LORICRIN: variants seen among roughly 807,000 people sequenced by gnomAD.
LORICRIN encodes loricrin cornified envelope precursor protein.
A neutral mutation model predicts 3.3 loss-of-function variants in LORICRIN; 5 were observed. The observed-to-expected ratio is 1.52, with a 90% CI of 0.79 to 3.19. The LOEUF (loss-of-function observed/expected upper bound fraction) is 3.19, where lower values mean the gene tolerates loss of function less well. Among genes scored for constraint, LORICRIN ranks in the 30% most tolerant of loss-of-function variants. The pLI is 0.00. For synonymous variants in LORICRIN, 237 were observed against 231.4 expected, an observed-to-expected ratio of 1.02 and a Z score of -0.22; for missense variants, 524 against 460.2, an observed-to-expected ratio of 1.14 and a Z score of -1.27.
At position 153,261,336 on chromosome 1, in the gene LORICRIN, C is replaced by A; in HGVS notation, c.387C>A (p.Phe129Leu). The A allele has an allele frequency of 6.8e-7, 1 of 1,473,786 alleles. No individual in the cohort carries two copies. Among genetic ancestry groups the A allele is most frequent in the Non-Finnish European group, 8.9e-7 (1 of 1,120,616 alleles). 91.3% of individuals were successfully genotyped at this position (1,473,786 alleles called of 1,614,324 possible). The change falls in exon 2 of 2, where the codon TTC (phenylalanine) becomes TTA (leucine). Residue 129 changes from phenylalanine (F) to leucine (L), a missense_variant. By Grantham distance (22) the Phe-to-Leu change is conservative. Transcript: ENST00000368742. Reference sequence around the variant, plus strand: ...CCTCCGGGGGCGGCTCCGGCTGCTTCTCCAGCGGTGGGGGCGGCTCCTCCG... The same window carrying A: ...CCTCCGGGGGCGGCTCCGGCTGCTTATCCAGCGGTGGGGGCGGCTCCTCCG... ...GGSSGGGSGCFSSGGGGSSGG... is the reference protein window; with the variant it reads ...GGSSGGGSGCLSSGGGGSSGG...
chr1:153,261,258 T>G lies in LORICRIN; in HGVS notation c.309T>G (p.Cys103Trp), dbSNP rs1249677653. ...GCTCCTCCGGCGGGGGCTCTGGCTG[T>G]TTCTCCAGCGGTGGGGGCGGCTCCG... ...GGGSSGGGSGCFSSGGGGSGC... is the reference protein window; with the variant it reads ...GGGSSGGGSGWFSSGGGGSGC... Residue 103 changes from cysteine (C) to tryptophan (W), a missense_variant, in exon 2 of 2, where the codon TGT becomes TGG. Cys to Trp is a radical substitution (Grantham distance 215). Coordinates refer to ENST00000368742, the MANE Select transcript of LORICRIN (RefSeq NM_000427.3). The G allele has an allele frequency of 3.8e-6, 5 of 1,322,470 alleles. No individual in the cohort carries two copies. The highest frequency in any genetic ancestry group is 3.6e-5 in the African/African-American group (2 of 55,214). 81.9% of individuals were successfully genotyped at this position (1,322,470 alleles called of 1,614,324 possible). A position where few individuals can be genotyped will look rare whatever the true frequency, so the allele number is the denominator to read the frequency against.
At position 153,261,643 on chromosome 1, in the gene LORICRIN, G is replaced by A; in HGVS notation, c.694G>A (p.Gly232Ser). 7.9e-6 allele frequency: 12 copies of A among 1,515,836 alleles called. No homozygotes were observed. Among genetic ancestry groups the A allele is most frequent in the Non-Finnish European group, 1.1e-5 (12 of 1,140,030 alleles). 93.9% of individuals were successfully genotyped at this position (1,515,836 alleles called of 1,614,324 possible). The change falls in exon 2 of 2, where the codon GGC becomes AGC. Residue 232 changes from glycine to serine, a missense_variant. Gly to Ser is a moderately conservative substitution (Grantham distance 56, BLOSUM62 0). Transcript: ENST00000368742. ...QPSYGGGSSGGGGSGGSGCFS... is the reference protein window; with the variant it reads ...QPSYGGGSSGSGGSGGSGCFS... ...GAGTTACGGAGGGGGGTCGTCCGGC[G>A]GCGGCGGCAGCGGCGGAAGCGGCTG...
At position 153,261,201 on chromosome 1, in the gene LORICRIN, C is replaced by T. The variant is rs768896348; in HGVS notation, c.252C>T (p.Ser84=). Residue 84 remains serine (S), a synonymous_variant, in exon 2 of 2, where the codon TCC becomes TCT. Coordinates refer to ENST00000368742, the MANE Select transcript of LORICRIN (RefSeq NM_000427.3). The part of the protein sequence containing the change: ...GGGIGGCGGG[S]GGSVKYSGGG... ...GCATTGGAGGCTGCGGAGGGGGCTC[C>T]GGTGGGAGCGTCAAGTACTCCGGAG... 1.9e-5 allele frequency: 25 copies of T among 1,347,522 alleles called. No individual in the cohort carries two copies. Among genetic ancestry groups the T allele is most frequent in the South Asian group, 3.5e-5 (2 of 57,174 alleles). 83.5% of individuals were successfully genotyped at this position (1,347,522 alleles called of 1,614,324 possible). A position where few individuals can be genotyped will look rare whatever the true frequency, so the allele number is the denominator to read the frequency against.
Position 153,261,204 on chromosome 1 carries a change from T to C in LORICRIN, c.255T>C (p.Gly85=), listed in dbSNP as rs1571080354. ...TTGGAGGCTGCGGAGGGGGCTCCGG[T>C]GGGAGCGTCAAGTACTCCGGAGGCG... ...GGIGGCGGGS[G]GSVKYSGGGG... Residue 85 remains glycine (G), a synonymous_variant, in exon 2 of 2, where the codon GGT becomes GGC. Coordinates refer to ENST00000368742, the MANE Select transcript of LORICRIN (RefSeq NM_000427.3). 1 of 1,303,808 alleles carries C rather than the reference T, an allele frequency of 7.7e-7. No individual in the cohort carries two copies. 80.8% of individuals were successfully genotyped at this position (1,303,808 alleles called of 1,614,324 possible).
At position 153,261,705 on chromosome 1, in the gene LORICRIN, C is replaced by A; in HGVS notation, c.756C>A (p.Cys252Ter). ...SSGGGGGSSG[C>*]GGGSSGIGSG... ...GCGGGGGCGGCGGGAGCTCCGGCTG[C>A]GGCGGCGGCTCCTCCGGGATTGGCA... The change falls in exon 2 of 2, where the codon TGC becomes TGA. Residue 252 changes from cysteine (C) to a stop codon, truncating the protein, a stop_gained. Transcript: ENST00000368742. LOFTEE classifies it high-confidence loss of function. The A allele has an allele frequency of 6.6e-7, 1 of 1,515,496 alleles. No homozygotes were observed. 93.9% of individuals were successfully genotyped at this position (1,515,496 alleles called of 1,614,324 possible). A position where few individuals can be genotyped will look rare whatever the true frequency, so the allele number is the denominator to read the frequency against.
intron 1 of LORICRIN, among the ~76,000 whole-genome samples, chr1:153,260,640 C>A (rs148090336): frequency 2.0e-5 from 3 of 152,124 alleles, no homozygotes; most frequent in Non-Finnish European, 2.9e-5. Context: ...GAGAAAGAGG[C>A]GGGCGTGTGG....
chr1:153,260,611 CTTTCA>C, intron 1 of LORICRIN, among the ~76,000 whole-genome samples: 1 of 152,288 alleles, frequency 6.6e-6, no homozygotes, highest in Middle Eastern at 3.4e-3. Flanking sequence ...TGTTCAAACC[CTTTCA>C]TTTAACAGGA....
chr1:153,261,204 T>A lies in LORICRIN; in HGVS notation c.255T>A (p.Gly85=), dbSNP rs1571080354. Reference sequence around the variant, plus strand: ...TTGGAGGCTGCGGAGGGGGCTCCGGTGGGAGCGTCAAGTACTCCGGAGGCG... The same window carrying A: ...TTGGAGGCTGCGGAGGGGGCTCCGGAGGGAGCGTCAAGTACTCCGGAGGCG... ...GGIGGCGGGS[G]GSVKYSGGGG... is the part of the protein sequence containing the mutation. The change falls in exon 2 of 2, where the codon GGT becomes GGA. Residue 85 remains glycine (G), a synonymous_variant. Coordinates refer to ENST00000368742, the MANE Select transcript of LORICRIN (RefSeq NM_000427.3). The A allele has an allele frequency of 1.5e-6, 2 of 1,303,704 alleles. No individual in the cohort carries two copies. Among genetic ancestry groups the A allele is most frequent in the Admixed American group, 8.7e-5 (2 of 22,902 alleles). The allele number at this position is 1,303,704 out of a possible 1,614,324, so 80.8% of individuals were successfully genotyped here.
At chr1:153,260,585 G>C (rs1658742901) in intron 1 of LORICRIN, among the ~76,000 whole-genome samples, 1 of 152,194 alleles carries the variant, frequency 6.6e-6, no homozygotes, top group African/African-American at 2.4e-5. Flanking sequence ...GATTGGAAGA[G>C]GCCTGAAAGA....
At position 153,261,622 on chromosome 1, in the gene LORICRIN, T is replaced by G; in HGVS notation, c.673T>G (p.Tyr225Asp). 6.6e-7 allele frequency: 1 copy of G among 1,513,532 alleles called. No individual in the cohort carries two copies. Among genetic ancestry groups the G allele is most frequent in the Non-Finnish European group, 8.8e-7 (1 of 1,139,516 alleles). The allele number at this position is 1,513,532 out of a possible 1,614,324, so 93.8% of individuals were successfully genotyped here. A position where few individuals can be genotyped will look rare whatever the true frequency, so the allele number is the denominator to read the frequency against. Residue 225 changes from tyrosine (Y) to aspartate (D), a missense_variant, in exon 2 of 2, where the codon TAC becomes GAC. Transcript: ENST00000368742. Reference sequence around the variant, plus strand: ...GACCTCGTGCGCGCCCCAGCCGAGTTACGGAGGGGGGTCGTCCGGCGGCGG... The same window carrying G: ...GACCTCGTGCGCGCCCCAGCCGAGTGACGGAGGGGGGTCGTCCGGCGGCGG... The part of the protein sequence containing the change: ...TQTSCAPQPS[Y>D]GGGSSGGGGS...
Position 153,260,908 on chromosome 1 carries a change from C to T in LORICRIN, c.-23-19C>T, listed in dbSNP as rs546620484. On this transcript the variant is annotated intron_variant, in intron 1 of 1. Coordinates refer to ENST00000368742, the MANE Select transcript of LORICRIN (RefSeq NM_000427.3). ...TCCTCTTGCAGCTGGTCCAGCGATG[C>T]TCTCTTCTCCCCTTCCAGGCTCTCC... 8.8e-5 allele frequency: 133 copies of T among 1,514,422 alleles called. No homozygotes were observed. Among genetic ancestry groups the T allele is most frequent in the Admixed American group, 1.8e-4 (10 of 55,456 alleles). The allele number at this position is 1,514,422 out of a possible 1,614,324, so 93.8% of individuals were successfully genotyped here.
In LORICRIN at chr1:153,262,055, C is replaced by T. The variant is rs1334232750; in HGVS notation, c.*167C>T. The T allele has an allele frequency of 1.3e-6, 1 of 791,570 alleles. No individual in the cohort carries two copies. The allele number at this position is 791,570 out of a possible 1,614,324, so 49.0% of individuals were successfully genotyped here. Reference sequence around the variant, plus strand: ...GCTGCATCTAGTTCTGCTGTTTAGCCTCTTTGGTTTCTGTACAACTACCTC... The same window carrying T: ...GCTGCATCTAGTTCTGCTGTTTAGCTTCTTTGGTTTCTGTACAACTACCTC... On this transcript the variant is annotated 3_prime_UTR_variant, in exon 2 of 2. Coordinates refer to ENST00000368742, the MANE Select transcript of LORICRIN (RefSeq NM_000427.3).
In LORICRIN at chr1:153,261,685, G is replaced by GGCGGCGGGA. The variant is rs1658802868; in HGVS notation, c.739_747dup (p.Gly247_Ser249dup). The GGCGGCGGGA allele has an allele frequency of 4.0e-6, 6 of 1,506,578 alleles. No individual in the cohort carries two copies. The South Asian group carries it at 5.0e-5, about 13-fold the overall frequency. 93.3% of individuals were successfully genotyped at this position (1,506,578 alleles called of 1,614,324 possible). The stretch of plus-strand genomic sequence containing the variant: ...AAGCGGCTGCTTCTCCAGCGGCGGG[G>GGCGGCGGGA]GCGGCGGGAGCTCCGGCTGCGGCGG... On this transcript the variant is annotated inframe_insertion, in exon 2 of 2. Transcript: ENST00000368742.
At position 153,261,943 on chromosome 1, in the gene LORICRIN, G is replaced by C. The variant is rs1380929739; in HGVS notation, c.*55G>C. 6.5e-7 allele frequency: 1 copy of C among 1,536,380 alleles called. No individual in the cohort carries two copies. Among genetic ancestry groups the C allele is most frequent in the Non-Finnish European group, 8.9e-7 (1 of 1,123,174 alleles). On this transcript the variant is annotated 3_prime_UTR_variant, in exon 2 of 2. Coordinates refer to ENST00000368742, the MANE Select transcript of LORICRIN (RefSeq NM_000427.3). The stretch of plus-strand genomic sequence containing the variant: ...GTTGGAGGTGTTTTCCAGGGGCACC[G>C]ATGGGCTTAGAGCTCTCATGATGCT...
At position 153,261,225 on chromosome 1, in the gene LORICRIN, A is replaced by G. The variant is rs1143390; in HGVS notation, c.276A>G (p.Gly92=). 1.1e-3 allele frequency: 1,574 copies of G among 1,371,796 alleles called. 29 individuals are homozygous for G. In the Admixed American group the frequency reaches 0.039, roughly 34 times the overall value. 85.0% of individuals were successfully genotyped at this position (1,371,796 alleles called of 1,614,324 possible). Reference sequence around the variant, plus strand: ...CCGGTGGGAGCGTCAAGTACTCCGGAGGCGGCGGCTCCTCCGGCGGGGGCT... The same window carrying G: ...CCGGTGGGAGCGTCAAGTACTCCGGGGGCGGCGGCTCCTCCGGCGGGGGCT... ...GGSGGSVKYS[G]GGGSSGGGSG... The change falls in exon 2 of 2, where the codon GGA becomes GGG. Residue 92 remains glycine, a synonymous_variant. Transcript: ENST00000368742.
chr1:153,261,423 C>G lies in LORICRIN; in HGVS notation c.474C>G (p.Cys158Trp). 6.7e-7 allele frequency: 1 copy of G among 1,496,360 alleles called. No homozygotes were observed. Among genetic ancestry groups the G allele is most frequent in the Non-Finnish European group, 8.8e-7 (1 of 1,131,152 alleles). The allele number at this position is 1,496,360 out of a possible 1,614,324, so 92.7% of individuals were successfully genotyped here. ...GCTTCTCGGGCCAGGCGGTCCAGTG[C>G]CAGAGCTACGGAGGCGTCTCTAGCG... ...GGGFSGQAVQ[C>W]QSYGGVSSGG... Residue 158 changes from cysteine (C) to tryptophan (W), a missense_variant, in exon 2 of 2, where the codon TGC (cysteine) becomes TGG (tryptophan). By Grantham distance (215) the Cys-to-Trp change is radical. Coordinates refer to ENST00000368742, the MANE Select transcript of LORICRIN (RefSeq NM_000427.3).
At position 153,261,205 on chromosome 1, in the gene LORICRIN, G is replaced by A; in HGVS notation, c.256G>A (p.Gly86Arg). 1.5e-6 allele frequency: 2 copies of A among 1,348,762 alleles called. No homozygotes were observed. The highest frequency in any genetic ancestry group is 1.6e-5 in the African/African-American group (1 of 63,490). 83.5% of individuals were successfully genotyped at this position (1,348,762 alleles called of 1,614,324 possible). ...GIGGCGGGSG[G>R]SVKYSGGGGS... ...TGGAGGCTGCGGAGGGGGCTCCGGT[G>A]GGAGCGTCAAGTACTCCGGAGGCGG... The change falls in exon 2 of 2, where the codon GGG becomes AGG. Residue 86 changes from glycine (G) to arginine (R), a missense_variant. Transcript: ENST00000368742.
Position 153,261,648 on chromosome 1 carries a change from C to G in LORICRIN, c.699C>G (p.Gly233=). The change falls in exon 2 of 2, where the codon GGC becomes GGG. Residue 233 remains glycine (G), a synonymous_variant. Transcript: ENST00000368742. The part of the protein sequence containing the change: ...PSYGGGSSGG[G]GSGGSGCFSS... ...ACGGAGGGGGGTCGTCCGGCGGCGG[C>G]GGCAGCGGCGGAAGCGGCTGCTTCT... The G allele has an allele frequency of 6.6e-7, 1 of 1,516,006 alleles. No homozygotes were observed. The allele number at this position is 1,516,006 out of a possible 1,614,324, so 93.9% of individuals were successfully genotyped here.
chr1:153,260,259 A>G (rs530841235), intron 1 of LORICRIN, among the ~76,000 whole-genome samples: 1 of 152,322 alleles, frequency 6.6e-6, no homozygotes, highest in Admixed American at 6.5e-5. Context: ...GACTTGAGAA[A>G]ATCATGGAAG....
Sources: gnomAD v4.1 joint callset for allele counts (sites outside exome capture counted in the v4.1 genomes callset) on GRCh38, gnomAD v4.1.1 for gene constraint, MANE v1.5 for transcripts, NCBI Gene and HGNC (gene_info 2026-07-23, HGNC 2026-07-21) for gene names.